Variants in FSCB observed in about 807,000 individuals in gnomAD.
The protein encoded by FSCB is fibrous sheath CABYR binding protein, also known as fibrous sheath CABYR-binding protein.
For synonymous variants in FSCB, 331 were observed against 336.6 expected (o/e 0.98, Z 0.18); for missense variants, 975 against 934.8 (o/e 1.04, Z -0.56).
rs1471003838 is a variant in FSCB at position 44,505,966 on chromosome 14, G to C, written c.1022C>G (p.Ser341Cys). The change falls in exon 1 of 1, where the codon TCT becomes TGT. Residue 341 changes from serine to cysteine, a missense_variant. By Grantham distance (112) the Ser-to-Cys change is moderately radical. Transcript: ENST00000340446. ...TTCAGCCAGAAGCTCTACAGAAGGA[G>C]ACTCTTCAGCTGATGGAGGCTGAAT... is the stretch of plus-strand genomic sequence containing the variant. Reference protein sequence around the residue: ...AEIQPPSAEESPSVELLAEIL... With the variant: ...AEIQPPSAEECPSVELLAEIL... The C allele has an allele frequency of 6.2e-7, 1 of 1,613,806 alleles. No individual in the cohort carries two copies. The highest frequency in any genetic ancestry group is 2.2e-5 in the East Asian group (1 of 44,878).
At chr14:44,506,249 AACCTTCTTGT>A in the FSCB span, 2 of 1,614,168 alleles carry the variant, frequency 1.2e-6, no homozygotes, top group Non-Finnish European at 1.7e-6. Context: ...TTAACAGCAG[AACCTTCTTGT>A]ACAACAGGTA....
At position 44,504,455 on chromosome 14, in the gene FSCB, A is replaced by T; in HGVS notation, c.*55T>A. 1 of 1,396,112 alleles carries T rather than the reference A, an allele frequency of 7.2e-7. No individual in the cohort carries two copies. Among genetic ancestry groups the T allele is most frequent in the Non-Finnish European group, 9.8e-7 (1 of 1,024,854 alleles). 86.5% of individuals were successfully genotyped at this position (1,396,112 alleles called of 1,614,324 possible). A position where few individuals can be genotyped will look rare whatever the true frequency, so the allele number is the denominator to read the frequency against. ...CTTCCCGCTGCCCACCCTTTTCTAAAGTATGTTCTTCCAAAACCATGTAGC... is the reference window on the plus strand; with the variant it reads ...CTTCCCGCTGCCCACCCTTTTCTAATGTATGTTCTTCCAAAACCATGTAGC... On this transcript the variant is annotated 3_prime_UTR_variant, in exon 1 of 1. Transcript: ENST00000340446.
At position 44,505,653 on chromosome 14, in the gene FSCB, A is replaced by G. The variant is rs1881055756; in HGVS notation, c.1335T>C (p.Ala445=). ...EEARELQLST[A]METPAEEAPT... ...GAGCCTCTTCTGCAGGGGTCTCCAT[A>G]GCTGTTGAAAGCTGAAGTTCTCGAG... is the stretch of plus-strand genomic sequence containing the variant. Residue 445 remains alanine, a synonymous_variant, in exon 1 of 1, where the codon GCT becomes GCC. Coordinates refer to ENST00000340446, the MANE Select transcript of FSCB (RefSeq NM_032135.4). 1.2e-6 allele frequency: 2 copies of G among 1,613,446 alleles called. No individual in the cohort carries two copies. The highest frequency in any genetic ancestry group is 3.3e-5 in the Admixed American group (2 of 59,984).
rs750245015 is a variant in FSCB at position 44,505,864 on chromosome 14, G to A, written c.1124C>T (p.Ser375Phe). The A allele has an allele frequency of 8.1e-6, 13 of 1,613,972 alleles. 1 individual carries two copies. The South Asian group carries it at 8.8e-5, about 11-fold the overall frequency. Residue 375 changes from serine to phenylalanine, a missense_variant, in exon 1 of 1, where the codon TCT (serine) becomes TTT (phenylalanine). Transcript: ENST00000340446. Reference protein sequence around the residue: ...AEILPPPAEKSPSVELLGEIR... With the variant: ...AEILPPPAEKFPSVELLGEIR... The stretch of plus-strand genomic sequence containing the variant: ...TTCACCAAGAAGCTCTACTGAAGGA[G>A]ACTTTTCAGCTGGTGGAGGCAGAAT...
rs200905673 is a variant in FSCB, at chr14:44,506,414, C to T, written c.574G>A (p.Ala192Thr). ...GGTTGAAATTCAGGGTGTTCACTAG[C>T]AAAAATCTTTCCCGACGATTTATGT... ...LKHKSSGKIFASEHPEFQPAT... is the reference protein window; with the variant it reads ...LKHKSSGKIFTSEHPEFQPAT... Residue 192 changes from alanine (A) to threonine (T), a missense_variant, in exon 1 of 1, where the codon GCT (alanine) becomes ACT (threonine). Ala to Thr is a moderately conservative substitution (Grantham distance 58). Transcript: ENST00000340446. 1 of 1,614,122 alleles carries T rather than the reference C, an allele frequency of 6.2e-7. No individual in the cohort carries two copies. The highest frequency in any genetic ancestry group is 1.1e-5 in the South Asian group (1 of 91,072).
Position 44,506,836 on chromosome 14 carries a change from A to T in FSCB, c.152T>A (p.Val51Glu). The change falls in exon 1 of 1, where the codon GTA (valine) becomes GAA (glutamate). Residue 51 changes from valine (V) to glutamate (E), a missense_variant. Val to Glu is a moderately radical substitution (Grantham distance 121, BLOSUM62 -2). Coordinates refer to ENST00000340446, the MANE Select transcript of FSCB (RefSeq NM_032135.4). ...YSAKAYESIR[V>E]SSELQQTWTK... Reference sequence around the variant, plus strand: ...CCAAGTTTGCTGAAGCTCAGAAGATACTCTAATAGACTCATAGGCTTTGGC... The same window carrying T: ...CCAAGTTTGCTGAAGCTCAGAAGATTCTCTAATAGACTCATAGGCTTTGGC... The T allele has an allele frequency of 6.2e-7, 1 of 1,613,812 alleles. No homozygotes were observed. Among genetic ancestry groups the T allele is most frequent in the Non-Finnish European group, 8.5e-7 (1 of 1,179,748 alleles).
In FSCB at chr14:44,506,884, G is replaced by A. The variant is rs1566599476; in HGVS notation, c.104C>T (p.Ser35Phe). Residue 35 changes from serine to phenylalanine, a missense_variant, in exon 1 of 1, where the codon TCT becomes TTT. By Grantham distance (155) the Ser-to-Phe change is radical. Transcript: ENST00000340446. The part of the protein sequence containing the change: ...PKATHRIGNT[S>F]GSKGSYSAKA... ...GGCAGAGTAGCTGCCTTTGCTTCCA[G>A]AAGTATTACCAATACGATGGGTAGC... The A allele has an allele frequency of 6.2e-7, 1 of 1,613,540 alleles. No individual in the cohort carries two copies. The highest frequency in any genetic ancestry group is 1.7e-5 in the Admixed American group (1 of 60,012).
Position 44,505,712 on chromosome 14 carries a change from G to A in FSCB, c.1276C>T (p.Pro426Ser). ...TVEETLADVQ[P>S]LLPEEAPREE... ...CTAGGAGCCTCTTCAGGTAATAGAG[G>A]CTGAACATCAGCAAGGGTCTCTTCA... Residue 426 changes from proline (P) to serine (S), a missense_variant, in exon 1 of 1, where the codon CCT becomes TCT. Transcript: ENST00000340446. The A allele has an allele frequency of 6.2e-7, 1 of 1,613,516 alleles. No individual in the cohort carries two copies. Among genetic ancestry groups the A allele is most frequent in the Non-Finnish European group, 8.5e-7 (1 of 1,179,912 alleles).
At position 44,506,525 on chromosome 14, in the gene FSCB, G is replaced by T. The variant is rs201253705; in HGVS notation, c.463C>A (p.Gln155Lys). 23 of 1,613,964 alleles carry T rather than the reference G, an allele frequency of 1.4e-5. No homozygotes were observed. In the Admixed American group the frequency reaches 2.2e-4, roughly 15 times the overall value. Residue 155 changes from glutamine to lysine, a missense_variant, in exon 1 of 1, where the codon CAA (glutamine) becomes AAA (lysine). Gln to Lys is a moderately conservative substitution (Grantham distance 53). Transcript: ENST00000340446. ...IPPVEKVDKE[Q>K]QTYFSESEIV... Reference sequence around the variant, plus strand: ...TCTGATTCACTAAAGTATGTCTGTTGTTCCTTGTCCACTTTTTCTACAGGG... The same window carrying T: ...TCTGATTCACTAAAGTATGTCTGTTTTTCCTTGTCCACTTTTTCTACAGGG...
chr14:44,505,255 G>A lies in FSCB; in HGVS notation c.1733C>T (p.Pro578Leu). The A allele has an allele frequency of 1.2e-6, 2 of 1,613,038 alleles. No individual in the cohort carries two copies. The highest frequency in any genetic ancestry group is 1.7e-6 in the Non-Finnish European group (2 of 1,179,876). The stretch of plus-strand genomic sequence containing the variant: ...TGCAGTGGTCTCTTCACCTGATGGA[G>A]GCTGAAGCTCAAGAGGGGCCTCTTC... ...SIEEAPLELQ[P>L]PSGEETTAEE... is the part of the protein sequence containing the mutation. The change falls in exon 1 of 1, where the codon CCT becomes CTT. Residue 578 changes from proline to leucine, a missense_variant. By Grantham distance (98) the Pro-to-Leu change is moderately conservative. Transcript: ENST00000340446.
Position 44,504,439 on chromosome 14 carries a change from G to A in FSCB, c.*71C>T. 1 of 1,248,984 alleles carries A rather than the reference G, an allele frequency of 8.0e-7. No homozygotes were observed. The highest frequency in any genetic ancestry group is 2.4e-5 in the East Asian group (1 of 42,304). The allele number at this position is 1,248,984 out of a possible 1,614,324, so 77.4% of individuals were successfully genotyped here. A position where few individuals can be genotyped will look rare whatever the true frequency, so the allele number is the denominator to read the frequency against. ...CTTATTGACAAAGCTACTTCCCGCT[G>A]CCCACCCTTTTCTAAAGTATGTTCT... On this transcript the variant is annotated 3_prime_UTR_variant, in exon 1 of 1. Coordinates refer to ENST00000340446, the MANE Select transcript of FSCB (RefSeq NM_032135.4).
chr14:44,505,917 C>G lies in FSCB; in HGVS notation c.1071G>C (p.Glu357Asp). ...CAGCAGGAGGCTCTTCTGAAGGGGA[C>G]TCTTCAGCTGATGGAGGCAGAATTT... ...LAEILPPSAE[E>D]SPSEEPPAEI... The change falls in exon 1 of 1, where the codon GAG becomes GAC. Residue 357 changes from glutamate to aspartate, a missense_variant. Physicochemically the swap from Glu to Asp is conservative, Grantham distance 45. Coordinates refer to ENST00000340446, the MANE Select transcript of FSCB (RefSeq NM_032135.4). 6.2e-7 allele frequency: 1 copy of G among 1,613,206 alleles called. No individual in the cohort carries two copies. Among genetic ancestry groups the G allele is most frequent in the Non-Finnish European group, 8.5e-7 (1 of 1,179,226 alleles).
Position 44,505,542 on chromosome 14 carries a change from A to G in FSCB, c.1446T>C (p.Pro482=), listed in dbSNP as rs775438824. 5.6e-6 allele frequency: 9 copies of G among 1,611,886 alleles called. 1 individual carries two copies. Among genetic ancestry groups the G allele is most frequent in the Admixed American group, 3.3e-5 (2 of 59,964 alleles). ...AEIQLLAATE[P]PADETPAEAR... ...CTTCGGCAGGAGTTTCATCTGCAGG[A>G]GGCTCCGTAGCTGCTAGAAGCTGAA... Residue 482 remains proline (P), a synonymous_variant, in exon 1 of 1, where the codon CCT becomes CCC. Coordinates refer to ENST00000340446, the MANE Select transcript of FSCB (RefSeq NM_032135.4).
rs761539695 is a variant in FSCB, at chr14:44,506,862, A to G, written c.126T>C (p.Ser42=). The G allele has an allele frequency of 1.2e-6, 2 of 1,613,724 alleles. No individual in the cohort carries two copies. Among genetic ancestry groups the G allele is most frequent in the Non-Finnish European group, 1.7e-6 (2 of 1,179,660 alleles). The stretch of plus-strand genomic sequence containing the variant: ...CTCTAATAGACTCATAGGCTTTGGC[A>G]GAGTAGCTGCCTTTGCTTCCAGAAG... ...GNTSGSKGSY[S]AKAYESIRVS... is the part of the protein sequence containing the mutation. The change falls in exon 1 of 1, where the codon TCT becomes TCC. Residue 42 remains serine (S), a synonymous_variant. Coordinates refer to ENST00000340446, the MANE Select transcript of FSCB (RefSeq NM_032135.4).
In FSCB at chr14:44,506,506, T is replaced by A. The variant is rs1393003051; in HGVS notation, c.482A>T (p.Glu161Val). The A allele has an allele frequency of 6.2e-7, 1 of 1,614,226 alleles. No homozygotes were observed. Among genetic ancestry groups the A allele is most frequent in the Non-Finnish European group, 8.5e-7 (1 of 1,180,034 alleles). Reference sequence around the variant, plus strand: ...CCTGGAAATAACCACTATTTCTGATTCACTAAAGTATGTCTGTTGTTCCTT... The same window carrying A: ...CCTGGAAATAACCACTATTTCTGATACACTAAAGTATGTCTGTTGTTCCTT... The part of the protein sequence containing the change: ...VDKEQQTYFS[E>V]SEIVVISRPD... The change falls in exon 1 of 1, where the codon GAA becomes GTA. Residue 161 changes from glutamate (E) to valine (V), a missense_variant. By Grantham distance (121) the Glu-to-Val change is moderately radical (BLOSUM62 -2). Transcript: ENST00000340446.
At position 44,504,467 on chromosome 14, in the gene FSCB, CA is replaced by C. The variant is rs1203358739; in HGVS notation, c.*42del. ...CACCCTTTTCTAAAGTATGTTCTTCCAAAACCATGTAGCTTCTGATTGCTAG... is the reference window on the plus strand; with the variant it reads ...CACCCTTTTCTAAAGTATGTTCTTCCAAACCATGTAGCTTCTGATTGCTAG... On this transcript the variant is annotated 3_prime_UTR_variant, in exon 1 of 1. Transcript: ENST00000340446. 2 of 1,479,018 alleles carry C rather than the reference CA, an allele frequency of 1.4e-6. No individual in the cohort carries two copies. Among genetic ancestry groups the C allele is most frequent in the Non-Finnish European group, 1.8e-6 (2 of 1,094,722 alleles). The allele number at this position is 1,479,018 out of a possible 1,614,324, so 91.6% of individuals were successfully genotyped here.
chr14:44,506,130 A>G lies in FSCB; in HGVS notation c.858T>C (p.Ala286=), dbSNP rs1366261011. 2.5e-6 allele frequency: 4 copies of G among 1,614,156 alleles called. No individual in the cohort carries two copies. Among genetic ancestry groups the G allele is most frequent in the South Asian group, 1.1e-5 (1 of 91,076 alleles). ...GCTGTACTTGGACATGGGTCTCTTC[A>G]GCAGGTCTGGGCTCCGCTTTAGCAG... ...EATAKAEPRP[A]EETHVQVQPS... is the part of the protein sequence containing the mutation. Residue 286 remains alanine (A), a synonymous_variant, in exon 1 of 1, where the codon GCT becomes GCC. Coordinates refer to ENST00000340446, the MANE Select transcript of FSCB (RefSeq NM_032135.4).
chr14:44,505,379 C>G lies in FSCB; in HGVS notation c.1609G>C (p.Glu537Gln). Residue 537 changes from glutamate to glutamine, a missense_variant, in exon 1 of 1, where the codon GAA becomes CAA. Glu to Gln is a conservative substitution (Grantham distance 29). Transcript: ENST00000340446. ...GGAGACTGAGCTTCAGCAGGAGTTT[C>G]ATCTGCAGGAGCCTCTATAGCTGCT... ...LLAAIEAPAD[E>Q]TPAEAQSPLS... 6.2e-7 allele frequency: 1 copy of G among 1,612,806 alleles called. No individual in the cohort carries two copies. Among genetic ancestry groups the G allele is most frequent in the Non-Finnish European group, 8.5e-7 (1 of 1,180,000 alleles).
rs1401667827 is a variant in FSCB at position 44,505,020 on chromosome 14, A to G, written c.1968T>C (p.Ala656=). The G allele has an allele frequency of 1.7e-6, 1 of 599,576 alleles. No individual in the cohort carries two copies. Among genetic ancestry groups the G allele is most frequent in the East Asian group, 2.9e-5 (1 of 35,062 alleles). 37.1% of individuals were successfully genotyped at this position (599,576 alleles called of 1,614,324 possible). ...CCTCAGCTGGTGGAGGCTGAACTTC[A>G]GCGGGGGCCTCCTCAGCTGGTGGAG... ...VQPPPAEEAP[A]EVQPPPAEEA... Residue 656 remains alanine, a synonymous_variant, in exon 1 of 1, where the codon GCT becomes GCC. Coordinates refer to ENST00000340446, the MANE Select transcript of FSCB (RefSeq NM_032135.4).
Sources: allele counts gnomAD v4.1 joint callset, GRCh38; gene constraint gnomAD v4.1.1; transcripts MANE v1.5; gene names NCBI Gene and HGNC (gene_info 2026-07-23, HGNC 2026-07-21).